STK32B: variants seen among roughly 807,000 people sequenced by gnomAD.
The protein encoded by STK32B is serine/threonine kinase 32B.
STK32B carries 43 observed loss-of-function variants against 52.6 expected under a neutral mutation model. The ratio of observed to expected loss-of-function variants is 0.82; its 90% confidence interval spans 0.64 to 1.05. STK32B has a LOEUF of 1.05. STK32B is among the 50% of genes least tolerant of loss of function. The pLI, the probability that STK32B is intolerant of heterozygous loss-of-function variation, is 0.00. For synonymous variants in STK32B, 238 were observed against 204.3 expected (o/e 1.17, Z -1.41); for missense variants, 621 against 534.6 (o/e 1.16, Z -1.59).
At chr4:5,190,427 T>C (rs1721090741) in intron 3 of STK32B, among the ~76,000 whole-genome samples, 1 of 152,130 alleles carries the variant, frequency 6.6e-6, no homozygotes, top group African/African-American at 2.4e-5. Flanking sequence ...AGAAAACCTG[T>C]AGAGGAGTGG....
rs1175098218 is a variant in STK32B at position 5,178,440 on chromosome 4, G to A, written c.260+9990G>A. 2.0e-5 allele frequency among the ~76,000 whole-genome samples: 3 copies of A among 152,194 alleles called. No individual in the cohort carries two copies. The East Asian group carries it at 5.8e-4, about 29-fold the overall frequency. ...TGTGATGGGAGGGGCTGCTGTGAAG[G>A]TCTCTGACATGTCCTGGAGACATTT... is the stretch of plus-strand genomic sequence containing the variant. On this transcript the variant is annotated intron_variant, in intron 3 of 11. Coordinates refer to ENST00000282908, the MANE Select transcript of STK32B (RefSeq NM_018401.3).
intron 1 of STK32B, among the ~76,000 whole-genome samples, chr4:5,128,740 T>G (rs1009017162): frequency 6.6e-6 from 1 of 152,236 alleles, no homozygotes; most frequent in African/African-American, 2.4e-5. Context: ...GATCGGCTAC[T>G]GGCCCTGGCC....
intron 2 of STK32B, among the ~76,000 whole-genome samples, chr4:5,153,092 A>G (rs1267788461): frequency 6.6e-6 from 1 of 152,208 alleles, no homozygotes; most frequent in African/African-American, 2.4e-5. Context: ...TTTATTTTCA[A>G]ATGTCCCTCC....
rs550606059 is a variant in STK32B at position 5,121,142 on chromosome 4, A to G, written c.53-18763A>G. Among the ~76,000 whole-genome samples, 6 of 152,210 alleles carry G rather than the reference A, an allele frequency of 3.9e-5. No homozygotes were observed. The South Asian group carries it at 1.0e-3, about 26-fold the overall frequency. On this transcript the variant is annotated intron_variant, in intron 1 of 11. Coordinates refer to ENST00000282908, the MANE Select transcript of STK32B (RefSeq NM_018401.3). ...CACTCTTAGGACTTTGCATCCTCAGAGCTTAGCTCCCATTTATAGGTGAGA... is the reference window on the plus strand; with the variant it reads ...CACTCTTAGGACTTTGCATCCTCAGGGCTTAGCTCCCATTTATAGGTGAGA...
chr4:5,438,437 G>A (rs1373016072), intron 6 of STK32B, among the ~76,000 whole-genome samples: 1 of 152,214 alleles, frequency 6.6e-6, no homozygotes, highest in Non-Finnish European at 1.5e-5. Flanking sequence ...ACAAAAAGAT[G>A]CTGAAAATAC....
In STK32B at chr4:5,460,409, G is replaced by A. The variant is rs560365282; in HGVS notation, c.909+181G>A. On this transcript the variant is annotated intron_variant, in intron 9 of 11. Transcript: ENST00000282908. This position sits in a 1 kb window ranked among gnomAD's most constrained non-coding sequence, Gnocchi z 4.8. ...GGGCCTGATTTCCAGGGTCCCAGCC[G>A]TACAGCTTCCCTCCTTGTGGTAGGT... Among the ~76,000 whole-genome samples, 2 of 152,206 alleles carry A rather than the reference G, an allele frequency of 1.3e-5. No individual in the cohort carries two copies. Among genetic ancestry groups the A allele is most frequent in the African/African-American group, 2.4e-5 (1 of 41,464 alleles).
In STK32B at chr4:5,416,949, C is replaced by A; in HGVS notation, c.562+15C>A. On this transcript the variant is annotated intron_variant, in intron 6 of 11. Transcript: ENST00000282908. ...GCCCTACATGGGTGAGTGTTCCAGG[C>A]CCCTTCTTTTCATGTGATCGGGCTC... 4 of 1,605,230 alleles carry A rather than the reference C, an allele frequency of 2.5e-6. No homozygotes were observed. Among genetic ancestry groups the A allele is most frequent in the Non-Finnish European group, 3.4e-6 (4 of 1,175,456 alleles).
At position 5,394,517 on chromosome 4, in the gene STK32B, C is replaced by T. The variant is rs1240614678; in HGVS notation, c.435-3690C>T. ...TTAAATCCCAAGTGATTCAGATTCT[C>T]CATCTCCTCCACGCTGCTTTGCAGG... On this transcript the variant is annotated intron_variant, in intron 4 of 11. Transcript: ENST00000282908. The surrounding 1 kb of genome is among the most constrained non-coding windows in gnomAD (Gnocchi z 4.2). Among the ~76,000 whole-genome samples the T allele has an allele frequency of 6.6e-6, 1 of 152,224 alleles. No individual in the cohort carries two copies. The highest frequency in any genetic ancestry group is 1.5e-5 in the Non-Finnish European group (1 of 68,034).
At chr4:5,375,499 A>T (rs768785613) in intron 4 of STK32B, among the ~76,000 whole-genome samples, 3 of 151,978 alleles carry the variant, frequency 2.0e-5, no homozygotes, top group African/African-American at 7.3e-5. Context: ...TCTTCCAAAC[A>T]TTTCTATGAA....
the STK32B span, among the ~76,000 whole-genome samples, chr4:5,030,685 T>TA: frequency 6.6e-6 from 1 of 152,184 alleles, no homozygotes; most frequent in Non-Finnish European, 1.5e-5. Flanking sequence ...TACCATTAAT[T>TA]AATAGTGGAG....
chr4:5,355,063 A>G (rs1734082382), intron 4 of STK32B, among the ~76,000 whole-genome samples: 1 of 152,142 alleles, frequency 6.6e-6, no homozygotes, highest in Non-Finnish European at 1.5e-5. Context: ...TTGACTTTCC[A>G]TGCTGTTCTT....
intron 1 of STK32B, among the ~76,000 whole-genome samples, chr4:5,104,403 C>T (rs556307966): frequency 4.9e-4 from 75 of 152,268 alleles, no homozygotes; most frequent in Non-Finnish European, 3.5e-4. Flanking sequence ...GTAAATTACC[C>T]GGTCTCAGGT....
chr4:5,255,928 T>A (rs1726264221), intron 3 of STK32B, among the ~76,000 whole-genome samples: 1 of 152,176 alleles, frequency 6.6e-6, no homozygotes, highest in Admixed American at 6.5e-5. Context: ...CCCTTGAGTA[T>A]TTTATACCTC....
the STK32B span, among the ~76,000 whole-genome samples, chr4:5,031,470 G>A: frequency 6.6e-6 from 1 of 152,042 alleles, no homozygotes; most frequent in Non-Finnish European, 1.5e-5. Context: ...ATGGTGGCAT[G>A]TGCCTGTGGT....
chr4:5,143,121 G>GTCTGTCTGTCTA (rs1183394957), intron 2 of STK32B, among the ~76,000 whole-genome samples: 42 of 147,656 alleles, frequency 2.8e-4, no homozygotes, highest in East Asian at 1.5e-3. Context: ...CTGTCTGTCT[G>GTCTGTCTGTCTA]TCTGTCTGTC....
At chr4:5,163,051 A>G (rs1718569116) in intron 2 of STK32B, among the ~76,000 whole-genome samples, 1 of 152,208 alleles carries the variant, frequency 6.6e-6, no homozygotes, top group South Asian at 2.1e-4. Flanking sequence ...GACATGATAG[A>G]CCGAGCATGT....
chr4:5,222,431 T>A (rs1723597485), intron 3 of STK32B, among the ~76,000 whole-genome samples: 1 of 152,206 alleles, frequency 6.6e-6, no homozygotes, highest in Non-Finnish European at 1.5e-5. Context: ...AGCTTCAGTC[T>A]TTATAGTGAT....
chr4:5,232,216 C>T (rs10034967), intron 3 of STK32B, among the ~76,000 whole-genome samples: 101,577 of 152,046 alleles, frequency 0.67, 40,989 homozygotes, highest in Non-Finnish European at 0.92. Context: ...CAAAGGAAAT[C>T]GATGATAGTC....
intron 6 of STK32B, among the ~76,000 whole-genome samples, chr4:5,443,556 C>T (rs1198041084): frequency 2.0e-5 from 3 of 152,134 alleles, no homozygotes; most frequent in Non-Finnish European, 2.9e-5. Flanking sequence ...TGAATGTCCT[C>T]CCATAGCTCA....
Sources: gnomAD v4.1 joint callset for allele counts (sites outside exome capture counted in the v4.1 genomes callset) on GRCh38, gnomAD v4.1.1 for gene constraint, Gnocchi (gnomAD v3.1) non-coding constraint, MANE v1.5 for transcripts, NCBI Gene and HGNC (gene_info 2026-07-23, HGNC 2026-07-21) for gene names.